MBD5: variants seen among roughly 807,000 people sequenced by gnomAD.
MBD5 encodes the protein methyl-CpG-binding domain protein 5.
Under a neutral mutation model 117.3 loss-of-function variants are expected in MBD5, and 13 were observed. That is an observed-to-expected ratio of 0.11 (90% confidence interval 0.07 to 0.18). The LOEUF (loss-of-function observed/expected upper bound fraction) is 0.18. MBD5 is among the 10% of genes least tolerant of loss of function. The probability of loss-of-function intolerance (pLI) is 1.00; values close to 1 mark genes in which losing one functional copy is unlikely to be tolerated. For synonymous variants in MBD5, 727 were observed against 766.4 expected (o/e 0.95, Z 0.85); for missense variants, 1,879 against 2,093.8 (o/e 0.90, Z 2.00).
At chr2:148,506,597 T>C (rs755552856) in intron 12 of MBD5, among the ~76,000 whole-genome samples, 32 of 152,314 alleles carry the variant, frequency 2.1e-4, no homozygotes, top group Non-Finnish European at 4.0e-4. Flanking sequence ...CAATTTCTCA[T>C]TTCCCTTCTA....
At position 148,428,277 on chromosome 2, in the gene MBD5, A is replaced by C. The variant is rs375311722; in HGVS notation, c.-556-29926A>C. 1.0e-3 allele frequency among the ~76,000 whole-genome samples: 153 copies of C among 152,258 alleles called. 1 individual carries two copies. Among genetic ancestry groups the C allele is most frequent in the Middle Eastern group, 6.8e-3 (2 of 294 alleles). ...CAAAGAGAATAAAATACCTAGGAAT[A>C]CAACTTACAAGGGATGTGAAGGACC... On this transcript the variant is annotated intron_variant, in intron 4 of 13. Transcript: ENST00000642680.
chr2:148,420,758 C>T (rs913989770), intron 4 of MBD5, among the ~76,000 whole-genome samples: 1 of 151,758 alleles, frequency 6.6e-6, no homozygotes, highest in Non-Finnish European at 1.5e-5. Flanking sequence ...CAAGGTCTCA[C>T]TCTGTTGCTC....
chr2:148,365,094 C>T (rs59231207), intron 4 of MBD5, among the ~76,000 whole-genome samples: 3,013 of 152,240 alleles, frequency 0.02, 81 homozygotes, highest in African/African-American at 0.066. Context: ...GAAAGTAAAG[C>T]ACTCCTCAGC....
chr2:148,361,148 C>T lies in MBD5; in HGVS notation c.-557+18812C>T, dbSNP rs1703521930. Among the ~76,000 whole-genome samples the T allele has an allele frequency of 1.3e-5, 2 of 152,080 alleles. 1 individual carries two copies. Among genetic ancestry groups the T allele is most frequent in the Non-Finnish European group, 2.9e-5 (2 of 68,022 alleles). ...GGATCACAAGGTCAGGGGTTCAAAA[C>T]CAGCCAGCCTGGCCAACATTGTGAA... On this transcript the variant is annotated intron_variant, in intron 4 of 13. Coordinates refer to ENST00000642680, the MANE Select transcript of MBD5 (RefSeq NM_001378120.1).
chr2:148,434,234 C>T (rs1259183706), intron 4 of MBD5, among the ~76,000 whole-genome samples: 1 of 151,912 alleles, frequency 6.6e-6, no homozygotes, highest in East Asian at 1.9e-4. Flanking sequence ...TACCCTTTGT[C>T]ATTTCTAATT....
At chr2:148,132,161 T>C (rs898246690) in intron 1 of MBD5, among the ~76,000 whole-genome samples, 1 of 152,072 alleles carries the variant, frequency 6.6e-6, no homozygotes, top group Non-Finnish European at 1.5e-5. Context: ...GTATAATGCC[T>C]CGCACATTGA....
At chr2:148,211,957 C>T (rs971015598) in intron 2 of MBD5, among the ~76,000 whole-genome samples, 4 of 152,014 alleles carry the variant, frequency 2.6e-5, no homozygotes, top group African/African-American at 9.7e-5. Context: ...CTATGTTGCT[C>T]AGGCTGGTCT....
At chr2:148,313,180 G>A (rs1277213569) in intron 3 of MBD5, among the ~76,000 whole-genome samples, 1 of 152,192 alleles carries the variant, frequency 6.6e-6, no homozygotes, top group African/African-American at 2.4e-5. Context: ...CTCGAGCACT[G>A]TGCTGGGAGA....
At chr2:148,503,957 G>A (rs780258992) in intron 12 of MBD5, among the ~76,000 whole-genome samples, 1 of 152,202 alleles carries the variant, frequency 6.6e-6, no homozygotes, top group Admixed American at 6.5e-5. Flanking sequence ...AAACATGCCA[G>A]TTACTTGGAT....
chr2:148,511,647 T>C (rs1682217295), intron 13 of MBD5, among the ~76,000 whole-genome samples: 1 of 137,666 alleles, frequency 7.3e-6, no homozygotes, highest in Admixed American at 6.7e-5. Flanking sequence ...AAATACCATT[T>C]CAGCCACATT....
intron 1 of MBD5, among the ~76,000 whole-genome samples, chr2:148,150,888 CAG>C (rs1424093715): frequency 5.9e-5 from 9 of 152,132 alleles, no homozygotes; most frequent in African/African-American, 2.2e-4. Flanking sequence ...CATCTGCAAA[CAG>C]GGACAATTTG....
chr2:148,384,135 A>G (rs1704259535), intron 4 of MBD5, among the ~76,000 whole-genome samples: 1 of 152,150 alleles, frequency 6.6e-6, no homozygotes, highest in Non-Finnish European at 1.5e-5. Context: ...AGAAGGAAAT[A>G]AAGGGCATTC....
At chr2:148,195,428 A>G (rs1698958663) in intron 2 of MBD5, among the ~76,000 whole-genome samples, 1 of 152,188 alleles carries the variant, frequency 6.6e-6, no homozygotes, top group South Asian at 2.1e-4. Context: ...GAGTTGAAAG[A>G]AGAAATAGAC....
chr2:148,128,704 C>T (rs1189212004), intron 1 of MBD5, among the ~76,000 whole-genome samples: 1 of 152,136 alleles, frequency 6.6e-6, no homozygotes, highest in East Asian at 1.9e-4. Context: ...CTCAAGAAAG[C>T]ATGTCAGAAT....
Position 148,489,603 on chromosome 2 carries a change from C to T in MBD5, c.3971C>T (p.Ala1324Val). 2 of 1,614,168 alleles carry T rather than the reference C, an allele frequency of 1.2e-6. No homozygotes were observed. The highest frequency in any genetic ancestry group is 1.7e-6 in the Non-Finnish European group (2 of 1,180,034). ...GDASVDAIYK[A>V]VVDAASKGMQ... ...GCTTCCGTAGATGCCATTTACAAAGCAGTTGTCGATGCAGCCAGCAAAGGA... is the reference window on the plus strand; with the variant it reads ...GCTTCCGTAGATGCCATTTACAAAGTAGTTGTCGATGCAGCCAGCAAAGGA... Residue 1324 changes from alanine (A) to valine (V), a missense_variant, in exon 11 of 14, where the codon GCA becomes GTA. Ala to Val is a moderately conservative substitution (Grantham distance 64). This residue lies in a region of MBD5 where 1,666 missense variants were observed against 1,792.2 expected (regional missense o/e 0.93). Transcript: ENST00000642680.
intron 4 of MBD5, among the ~76,000 whole-genome samples, chr2:148,357,993 TGAG>T (rs1163966362): frequency 6.6e-6 from 1 of 152,200 alleles, no homozygotes; most frequent in East Asian, 1.9e-4. Flanking sequence ...TACTCTAGGC[TGAG>T]GTTTCCTGTG....
intron 12 of MBD5, among the ~76,000 whole-genome samples, chr2:148,507,712 A>ATC: frequency 6.6e-6 from 1 of 151,520 alleles, no homozygotes; most frequent in Non-Finnish European, 1.5e-5. Context: ...GTGAGCCGAG[A>ATC]CTGCGCCACT....
At chr2:148,505,838 T>C (rs1035265680) in intron 12 of MBD5, among the ~76,000 whole-genome samples, 1 of 152,194 alleles carries the variant, frequency 6.6e-6, no homozygotes, top group African/African-American at 2.4e-5. Flanking sequence ...GAGGTTGGTT[T>C]TTCACCTGGA....
chr2:148,225,713 T>G (rs922794040), intron 2 of MBD5, among the ~76,000 whole-genome samples: 2 of 152,248 alleles, frequency 1.3e-5, no homozygotes, highest in Non-Finnish European at 2.9e-5. Flanking sequence ...TTGAAGGATA[T>G]TTTCACTGAA....
Sources: allele counts gnomAD v4.1 joint callset (sites outside exome capture counted in the v4.1 genomes callset), GRCh38; gene constraint gnomAD v4.1.1; regional missense constraint gnomAD v4.1.1; transcripts MANE v1.5; gene names NCBI Gene and HGNC (gene_info 2026-07-23, HGNC 2026-07-21).